Variants in GALNTL6 observed in about 807,000 individuals in gnomAD.
The protein encoded by GALNTL6 is polypeptide N-acetylgalactosaminyltransferase like 6, also known as polypeptide N-acetylgalactosaminyltransferase-like 6.
A neutral mutation model predicts 73.7 loss-of-function variants in GALNTL6; 46 were observed. The ratio of observed to expected loss-of-function variants is 0.62; its 90% CI spans 0.49 to 0.80. The LOEUF (loss-of-function observed/expected upper bound fraction) is 0.80. Ranked by LOEUF, GALNTL6 falls within the 30% of genes least tolerant of loss-of-function variation. The pLI, the probability that GALNTL6 is intolerant of heterozygous loss-of-function variation, is 0.00. For missense variants in GALNTL6, 604 were observed against 755.0 expected (o/e 0.80, Z 2.34); for synonymous variants, 259 against 263.7 (o/e 0.98, Z 0.17).
At chr4:172,614,727 A>G (rs759517391) in intron 5 of GALNTL6, among the ~76,000 whole-genome samples, 4 of 152,188 alleles carry the variant, frequency 2.6e-5, no homozygotes, top group Non-Finnish European at 5.9e-5. Flanking sequence ...CCTGCTGACC[A>G]GATTGGCTGT....
At chr4:171,901,569 G>T (rs781051521) in intron 2 of GALNTL6, among the ~76,000 whole-genome samples, 2 of 152,176 alleles carry the variant, frequency 1.3e-5, no homozygotes, top group Non-Finnish European at 2.9e-5. Flanking sequence ...GGCATCTCAG[G>T]ACCAGACCAT....
At chr4:172,975,174 C>T (rs181748176) in intron 10 of GALNTL6, among the ~76,000 whole-genome samples, 1 of 152,308 alleles carries the variant, frequency 6.6e-6, no homozygotes, top group East Asian at 1.9e-4. Flanking sequence ...TGGACAACTG[C>T]AGGGTGAGCA....
chr4:172,098,989 A>G (rs756355041), intron 2 of GALNTL6, among the ~76,000 whole-genome samples: 7 of 152,152 alleles, frequency 4.6e-5, no homozygotes, highest in Non-Finnish European at 8.8e-5. Context: ...AATCACTGAC[A>G]GTGTGTTTAT....
intron 5 of GALNTL6, among the ~76,000 whole-genome samples, chr4:172,748,269 C>T (rs1465160702): frequency 1.3e-5 from 2 of 152,054 alleles, no homozygotes; most frequent in Non-Finnish European, 2.9e-5. Flanking sequence ...TAACCTTGGG[C>T]AGGAGGCCAT....
chr4:172,222,790 G>T (rs1398282207), intron 2 of GALNTL6, among the ~76,000 whole-genome samples: 1 of 151,882 alleles, frequency 6.6e-6, no homozygotes, highest in Non-Finnish European at 1.5e-5. Context: ...AAATTTGCAA[G>T]TTCCAGGTCT....
In GALNTL6 at chr4:172,528,138, A is replaced by T. The variant is rs374159275; in HGVS notation, c.553+179449A>T. On this transcript the variant is annotated intron_variant, in intron 5 of 12. Coordinates refer to ENST00000506823, the MANE Select transcript of GALNTL6 (RefSeq NM_001034845.3). ...GGTTCATCATTACTAGAAATCTTTT[A>T]ATTTCACAGTTCAAAAAGAATAAAA... Among the ~76,000 whole-genome samples, 68 of 151,632 alleles carry T rather than the reference A, an allele frequency of 4.5e-4. 2 individuals carry two copies. The East Asian group carries it at 0.012, about 26-fold the overall frequency.
At chr4:171,900,949 A>G (rs1040799805) in intron 2 of GALNTL6, among the ~76,000 whole-genome samples, 1 of 152,220 alleles carries the variant, frequency 6.6e-6, no homozygotes, top group Admixed American at 6.5e-5. Context: ...GAATTTAATA[A>G]TGATGAGGGC....
intron 5 of GALNTL6, among the ~76,000 whole-genome samples, chr4:172,430,697 C>T (rs765079481): frequency 4.6e-5 from 7 of 152,004 alleles, no homozygotes; most frequent in East Asian, 1.9e-4. Flanking sequence ...ACCAGCTACT[C>T]GGGAGGCTGA....
chr4:172,838,162 T>C (rs1353081752), intron 7 of GALNTL6, among the ~76,000 whole-genome samples: 1 of 152,114 alleles, frequency 6.6e-6, no homozygotes, highest in Admixed American at 6.5e-5. Context: ...GGGGCACAGA[T>C]CTGAGTTCTG....
At chr4:172,917,584 C>T (rs575340552) in intron 8 of GALNTL6, among the ~76,000 whole-genome samples, 138 of 152,196 alleles carry the variant, frequency 9.1e-4, no homozygotes, top group South Asian at 1.5e-3. Flanking sequence ...AAAAAGTGGG[C>T]GAAAGACATG....
chr4:172,254,621 G>A (rs930327403), intron 3 of GALNTL6, among the ~76,000 whole-genome samples: 4 of 151,678 alleles, frequency 2.6e-5, no homozygotes, highest in Non-Finnish European at 5.9e-5. Context: ...TATAGAACAG[G>A]AGAATAATAA....
chr4:172,399,994 T>A (rs1743983250), intron 5 of GALNTL6, among the ~76,000 whole-genome samples: 1 of 152,130 alleles, frequency 6.6e-6, no homozygotes, highest in Non-Finnish European at 1.5e-5. Context: ...ATAAACCAGT[T>A]CCAGCTGGTT....
chr4:171,853,649 C>T (rs1384000212), intron 2 of GALNTL6, among the ~76,000 whole-genome samples: 1 of 111,442 alleles, frequency 9.0e-6, no homozygotes, highest in Non-Finnish European at 1.7e-5. Flanking sequence ...CTTGCTCTGT[C>T]GCCCAGGTTG....
chr4:172,585,303 T>C (rs1224263604), intron 5 of GALNTL6, among the ~76,000 whole-genome samples: 2 of 152,300 alleles, frequency 1.3e-5, no homozygotes, highest in East Asian at 3.9e-4. Flanking sequence ...GTTTGTTACA[T>C]AGGTATACAT....
Position 172,809,436 on chromosome 4 carries a change from AAGGACTCAT to A in GALNTL6, c.630_638del (p.Glu210_Ile213delinsAsp). ...AGGATTGTTCGCACCAAGAAAAGAG[AAGGACTCAT>A]CCGGACCCGTCTCCTGGGGGCATCT... is the stretch of plus-strand genomic sequence containing the variant. On this transcript the variant is annotated inframe_deletion, in exon 6 of 13. Coordinates refer to ENST00000506823, the MANE Select transcript of GALNTL6 (RefSeq NM_001034845.3). The surrounding 1 kb of genome is among the most constrained non-coding windows in gnomAD (Gnocchi z 4.4). The A allele has an allele frequency of 6.2e-7, 1 of 1,613,866 alleles. No homozygotes were observed. The highest frequency in any genetic ancestry group is 8.5e-7 in the Non-Finnish European group (1 of 1,179,842).
intron 2 of GALNTL6, among the ~76,000 whole-genome samples, chr4:172,214,585 G>C (rs1270979986): frequency 1.3e-5 from 2 of 151,020 alleles, no homozygotes; most frequent in East Asian, 3.9e-4. Context: ...CGTGATCTGG[G>C]CTCACTGCAA....
intron 2 of GALNTL6, among the ~76,000 whole-genome samples, chr4:172,176,314 T>C (rs1403927196): frequency 2.5e-5 from 2 of 79,882 alleles, no homozygotes; most frequent in African/African-American, 1.0e-4. Context: ...CACTCCAACC[T>C]GGGCGACAGC....
At chr4:172,787,085 G>A (rs1286798390) in intron 5 of GALNTL6, among the ~76,000 whole-genome samples, 4 of 152,132 alleles carry the variant, frequency 2.6e-5, no homozygotes, top group Non-Finnish European at 4.4e-5. Flanking sequence ...TCCAGAGAAA[G>A]TAAATAACAG....
chr4:173,000,231 A>G (rs558947350), intron 10 of GALNTL6, among the ~76,000 whole-genome samples: 1 of 152,334 alleles, frequency 6.6e-6, no homozygotes, highest in Non-Finnish European at 1.5e-5. Context: ...TAACTTGCTT[A>G]ATGCCATGCA....
Sources: allele counts gnomAD v4.1 joint callset (sites outside exome capture counted in the v4.1 genomes callset), GRCh38; gene constraint gnomAD v4.1.1; non-coding constraint Gnocchi (gnomAD v3.1); transcripts MANE v1.5; gene names NCBI Gene and HGNC (gene_info 2026-07-23, HGNC 2026-07-21).